The following CDH2 variants were observed in gnomAD, a reference collection of about 807,000 sequenced individuals.
The protein encoded by CDH2 is cadherin 2, also known as cadherin-2.
A neutral mutation model predicts 92.0 loss-of-function variants in CDH2; 17 were observed. The ratio of observed to expected loss-of-function variants is 0.18; its 90% confidence interval spans 0.13 to 0.28. The LOEUF (loss-of-function observed/expected upper bound fraction) is 0.28, where lower values mean the gene tolerates loss of function less well. CDH2 is among the 10% of genes least tolerant of loss of function. The pLI is 1.00. For synonymous variants in CDH2, 419 were observed against 415.9 expected (o/e 1.01, Z -0.09); for missense variants, 862 against 1,133.1 (o/e 0.76, Z 3.44).
chr18:28,010,654 T>C (rs2013069210), intron 4 of CDH2, among the ~76,000 whole-genome samples: 1 of 150,078 alleles, frequency 6.7e-6, no homozygotes, highest in Non-Finnish European at 1.5e-5. Flanking sequence ...ACTTAATCCA[T>C]CAATAAAATC....
intron 2 of CDH2, among the ~76,000 whole-genome samples, chr18:28,115,750 C>T (rs904509567): frequency 6.6e-6 from 1 of 152,062 alleles, no homozygotes; most frequent in African/African-American, 2.4e-5. Flanking sequence ...GTGAATTTTA[C>T]GACACTTTTT....
intron 7 of CDH2, 73 bp from the exon 8 acceptor site, chr18:27,993,710 G>T: frequency 1.7e-6 from 2 of 1,166,360 alleles, no homozygotes; most frequent in South Asian, 2.8e-5. Flanking sequence ...TTCTGTAAAC[G>T]GCTCTTTATA....
chr18:27,983,576 T>C (rs2012129724), intron 13 of CDH2, among the ~76,000 whole-genome samples: 1 of 152,172 alleles, frequency 6.6e-6, no homozygotes, highest in Non-Finnish European at 1.5e-5. Flanking sequence ...GGTAGTAAAT[T>C]GGAACTAAGT....
At chr18:28,039,417 G>A (rs1567975107) in intron 2 of CDH2, among the ~76,000 whole-genome samples, 2 of 151,940 alleles carry the variant, frequency 1.3e-5, no homozygotes, top group South Asian at 2.1e-4. Flanking sequence ...CACTGATTTC[G>A]CATACAGGAT....
intron 10 of CDH2, among the ~76,000 whole-genome samples, chr18:27,989,142 G>C (rs1034413593): frequency 6.6e-6 from 1 of 152,178 alleles, no homozygotes; most frequent in Admixed American, 6.5e-5. Context: ...ACACTGGAGA[G>C]ACCACCATAA....
Position 28,097,778 on chromosome 18 carries a change from C to T in CDH2, c.172+49895G>A, listed in dbSNP as rs575029644. On this transcript the variant is annotated intron_variant, in intron 2 of 15. Transcript: ENST00000269141. ...AATACCGAGGGACATCTGTACTATG[C>T]ATTGCTACTTAAATGCATTATTTAA... Among the ~76,000 whole-genome samples, 17 of 152,102 alleles carry T rather than the reference C, an allele frequency of 1.1e-4. No homozygotes were observed. The East Asian group carries it at 3.3e-3, about 29-fold the overall frequency.
chr18:27,997,878 C>T lies in CDH2; in HGVS notation c.1021-4241G>A, dbSNP rs17493542. Among the ~76,000 whole-genome samples the T allele has an allele frequency of 8.1e-3, 1,240 of 152,150 alleles. 15 individuals are homozygous for T. The highest frequency in any genetic ancestry group is 0.029 in the African/African-American group (1,184 of 41,502). On this transcript the variant is annotated intron_variant, in intron 7 of 15. Coordinates refer to ENST00000269141, the MANE Select transcript of CDH2 (RefSeq NM_001792.5). ...CTGGAGTGCAGTGGCACAATCTCGG[C>T]TCACTGCAAGCTCTGCCTCCCGGGT...
chr18:27,936,839 T>C (rs1365890857), intron 6 of CDH2, among the ~76,000 whole-genome samples: 1 of 151,958 alleles, frequency 6.6e-6, no homozygotes, highest in Non-Finnish European at 1.5e-5. Flanking sequence ...GTGCCGCCCC[T>C]CTCCTCCCTT....
At chr18:28,099,287 A>G (rs1390554168) in intron 2 of CDH2, among the ~76,000 whole-genome samples, 2 of 152,182 alleles carry the variant, frequency 1.3e-5, no homozygotes, top group Non-Finnish European at 2.9e-5. Flanking sequence ...GTTATTTGCC[A>G]TTAACCATTT....
intron 2 of CDH2, among the ~76,000 whole-genome samples, chr18:28,058,391 C>T (rs891430657): frequency 6.6e-6 from 1 of 152,084 alleles, no homozygotes; most frequent in South Asian, 2.1e-4. Flanking sequence ...TTCTTCTCCC[C>T]GTATATTGCA....
intron 2 of CDH2, among the ~76,000 whole-genome samples, chr18:28,032,235 C>A (rs1214782586): frequency 1.3e-5 from 2 of 152,054 alleles, no homozygotes; most frequent in Non-Finnish European, 2.9e-5. Flanking sequence ...ACAAAACCAA[C>A]AACAACAGTC....
chr18:27,942,747 G>T (rs1474474498), intron 6 of CDH2, among the ~76,000 whole-genome samples: 2 of 152,150 alleles, frequency 1.3e-5, no homozygotes, highest in African/African-American at 4.8e-5. Flanking sequence ...TTCCAAAATT[G>T]TTCAGCTTAC....
chr18:28,026,768 C>T (rs1256295791), intron 2 of CDH2, among the ~76,000 whole-genome samples: 1 of 152,128 alleles, frequency 6.6e-6, no homozygotes, highest in African/African-American at 2.4e-5. Flanking sequence ...GGCATTCTAG[C>T]TCAGACACAT....
At chr18:28,153,630 G>A (rs930530670) in intron 1 of CDH2, among the ~76,000 whole-genome samples, 1 of 152,180 alleles carries the variant, frequency 6.6e-6, no homozygotes, top group African/African-American at 2.4e-5. Flanking sequence ...CAGACTGCCT[G>A]GCTTTAAATC....
intron 2 of CDH2, among the ~76,000 whole-genome samples, chr18:28,066,963 C>G (rs1194008013): frequency 6.6e-6 from 1 of 152,078 alleles, no homozygotes; most frequent in Non-Finnish European, 1.5e-5. Flanking sequence ...TTGGGTCTTT[C>G]TCCTCACAAA....
At chr18:28,067,663 T>C (rs1031643346) in intron 2 of CDH2, among the ~76,000 whole-genome samples, 1 of 152,178 alleles carries the variant, frequency 6.6e-6, no homozygotes, top group Admixed American at 6.5e-5. Context: ...TTCCAATTGA[T>C]TCATTTTTTT....
intron 1 of CDH2, among the ~76,000 whole-genome samples, chr18:28,149,986 C>T (rs1042816989): frequency 2.0e-5 from 3 of 152,218 alleles, no homozygotes; most frequent in Non-Finnish European, 4.4e-5. Context: ...ATACTTGACA[C>T]GTGTAAACAT....
intron 2 of CDH2, among the ~76,000 whole-genome samples, chr18:28,031,209 G>A (rs182562949): frequency 5.7e-4 from 86 of 151,836 alleles, no homozygotes; most frequent in Non-Finnish European, 6.9e-4. Context: ...CTCCATTGTA[G>A]TTTCACCCTC....
chr18:28,129,016 T>G (rs2015722959), intron 2 of CDH2, among the ~76,000 whole-genome samples: 1 of 152,190 alleles, frequency 6.6e-6, no homozygotes, highest in African/African-American at 2.4e-5. Context: ...CCATAAGATC[T>G]AAGTACATCA....
Sources: gnomAD v4.1 joint callset for allele counts (sites outside exome capture counted in the v4.1 genomes callset) on GRCh38, gnomAD v4.1.1 for gene constraint, MANE v1.5 for transcripts, NCBI Gene and HGNC (gene_info 2026-07-23, HGNC 2026-07-21) for gene names.